Variants in NEB observed in about 807,000 individuals in gnomAD.
NEB encodes the protein nebulin.
Under a neutral mutation model 952.2 loss-of-function variants are expected in NEB, and 512 were observed. That is an observed-to-expected ratio of 0.54 (90% CI 0.50 to 0.58). NEB has a LOEUF of 0.58. Among genes scored for constraint, NEB ranks in the 20% least tolerant of loss-of-function variants. The pLI, the probability that NEB is intolerant of heterozygous loss-of-function variation, is 0.00. For synonymous variants in NEB, 2,900 were observed against 3,149.8 expected, an observed-to-expected ratio of 0.92 and a Z score of 2.66; for missense variants, 8,428 against 9,231.1, an observed-to-expected ratio of 0.91 and a Z score of 3.56.
chr2:151,734,022 G>T (rs547791393), intron 1 of NEB, among the ~76,000 whole-genome samples: 3 of 152,280 alleles, frequency 2.0e-5, no homozygotes, highest in Admixed American at 6.5e-5. Context: ...GGCTGGTTTT[G>T]TTAAGCTAGC....
intron 124 of NEB, among the ~76,000 whole-genome samples, chr2:151,555,300 C>T (rs994674456): frequency 6.6e-6 from 1 of 152,108 alleles, no homozygotes; most frequent in African/African-American, 2.4e-5. Context: ...ATTTTAGTTG[C>T]TGTTTTCAAA....
Position 151,502,874 on chromosome 2 carries a change from T to C in NEB, c.23847A>G (p.Lys7949=), listed in dbSNP as rs1401174729. ...TTGGGATTCCTTTCCCCAAATTTTC[T>C]TTGTACAAAACCTGTGAGATACAAG... The part of the protein sequence containing the change: ...NQENFSSVLY[K]ENLGKGIPTP... Residue 7949 remains lysine (K), a synonymous_variant, in exon 167 of 182, where the codon AAA becomes AAG. Coordinates refer to ENST00000397345, the MANE Select transcript of NEB (RefSeq NM_001164508.2). 1.3e-6 allele frequency: 2 copies of C among 1,598,218 alleles called. No individual in the cohort carries two copies. Among genetic ancestry groups the C allele is most frequent in the Non-Finnish European group, 1.7e-6 (2 of 1,169,570 alleles).
chr2:151,519,958 T>A, intron 153 of NEB, 190 bp from the exon 154 acceptor site: 1 of 457,896 alleles, frequency 2.2e-6, no homozygotes. Flanking sequence ...ACAACAGGCA[T>A]TCAAATATAT....
At chr2:151,491,530 C>G in intron 179 of NEB, 153 bp downstream of exon 179, 1 of 635,150 alleles carries the variant, frequency 1.6e-6, no homozygotes, top group South Asian at 2.0e-5. Flanking sequence ...GTAAGTTTTG[C>G]TCACTAGTTA....
At chr2:151,517,687 A>T (rs1406370097) in intron 156 of NEB, among the ~76,000 whole-genome samples, 7 of 152,192 alleles carry the variant, frequency 4.6e-5, no homozygotes. Context: ...TGTACAGCAT[A>T]TTATTTTACT....
Position 151,568,715 on chromosome 2 carries a change from T to C in NEB, c.17537A>G (p.Lys5846Arg). The C allele has an allele frequency of 6.3e-7, 1 of 1,583,456 alleles. No individual in the cohort carries two copies. Among genetic ancestry groups the C allele is most frequent in the Non-Finnish European group, 8.6e-7 (1 of 1,161,954 alleles). ...AKHAADIFSE[K>R]KYRTKIETLN... The stretch of plus-strand genomic sequence containing the variant: ...AGTTTCTATTTTTGTGCGATATTTT[T>C]TCTATGGGAAAGAAAGCATCTTTTA... The change falls in exon 111 of 182, where the codon AAA becomes AGA. Residue 5846 changes from lysine to arginine, a missense_variant and splice_region_variant. By Grantham distance (26) the Lys-to-Arg change is conservative. Coordinates refer to ENST00000397345, the MANE Select transcript of NEB (RefSeq NM_001164508.2).
intron 10 of NEB, among the ~76,000 whole-genome samples, chr2:151,715,499 G>A (rs1379406857): frequency 6.6e-6 from 1 of 152,176 alleles, no homozygotes; most frequent in Non-Finnish European, 1.5e-5. Flanking sequence ...AAGCAATTAA[G>A]TTTAGGTGAG....
Position 151,569,339 on chromosome 2 carries a change from C to T in NEB, c.17464G>A (p.Gly5822Arg). Residue 5822 changes from glycine (G) to arginine (R), a missense_variant, in exon 110 of 182, where the codon GGA becomes AGA. Physicochemically the swap from Gly to Arg is moderately radical, Grantham distance 125. Around this residue, in one of 11 missense-constraint regions of NEB, gnomAD observed 3,374 missense variants for 3,651.5 expected, o/e 0.92. Transcript: ENST00000397345. ...GAGTCATTTGGCATCCACCCAATTCCACGCAACCATTCCAAGTCAGCCTTG... is the reference window on the plus strand; with the variant it reads ...GAGTCATTTGGCATCCACCCAATTCTACGCAACCATTCCAAGTCAGCCTTG... The part of the protein sequence containing the change: ...VYKADLEWLR[G>R]IGWMPNDSVS... 1 of 1,613,952 alleles carries T rather than the reference C, an allele frequency of 6.2e-7. No homozygotes were observed. Among genetic ancestry groups the T allele is most frequent in the Non-Finnish European group, 8.5e-7 (1 of 1,179,842 alleles).
rs1369274190 is a variant in NEB at position 151,508,152 on chromosome 2, G to C, written c.23347-43C>G. ...GAAATAAGGAGGGTAAACACCACAGGGATATAGGCCAATGGGACCTAAAAT... is the reference window on the plus strand; with the variant it reads ...GAAATAAGGAGGGTAAACACCACAGCGATATAGGCCAATGGGACCTAAAAT... On this transcript the variant is annotated intron_variant, in intron 161 of 181. Coordinates refer to ENST00000397345, the MANE Select transcript of NEB (RefSeq NM_001164508.2). The C allele has an allele frequency of 2.9e-6, 4 of 1,379,922 alleles. No individual in the cohort carries two copies. In the South Asian group the frequency reaches 3.7e-5, roughly 13 times the overall value. The allele number at this position is 1,379,922 out of a possible 1,614,324, so 85.5% of individuals were successfully genotyped here. A position where few individuals can be genotyped will look rare whatever the true frequency, so the allele number is the denominator to read the frequency against.
At chr2:151,718,562 A>G (rs12328396) in intron 9 of NEB, among the ~76,000 whole-genome samples, 16,826 of 151,992 alleles carry the variant, frequency 0.11, 1,310 homozygotes, top group African/African-American at 0.22. Context: ...CTACACACTT[A>G]TCTTCTCCAT....
At chr2:151,670,994 G>T (rs943628799) in intron 38 of NEB, 29 bp downstream of exon 38, 12 of 1,594,158 alleles carry the variant, frequency 7.5e-6, no homozygotes, top group African/African-American at 1.3e-5. Context: ...TTATTTACGG[G>T]CAAATCATTT....
At chr2:151,684,667 C>A in intron 28 of NEB, 111 bp downstream of exon 28, 1 of 1,047,614 alleles carries the variant, frequency 9.5e-7, no homozygotes, top group Non-Finnish European at 1.3e-6. Flanking sequence ...TGCTTACATA[C>A]ATAGGACAAT....
chr2:151,514,866 G>C lies in NEB; in HGVS notation c.22968C>G (p.Val7656=), dbSNP rs1368780114. 1 of 1,588,620 alleles carries C rather than the reference G, an allele frequency of 6.3e-7. No individual in the cohort carries two copies. Among genetic ancestry groups the C allele is most frequent in the East Asian group, 2.3e-5 (1 of 44,234 alleles). The change falls in exon 158 of 182, where the codon GTC becomes GTG. Residue 7656 remains valine, a synonymous_variant. Transcript: ENST00000397345. ...ATTTGACATGTAACAAAGCTGGCGT[G>C]ACCTCCAGGCCAGTCAGGTTTCTGC... ...IKGRNLTGLE[V]TPALLHVKYA...
rs969631939 is a variant in NEB at position 151,496,976 on chromosome 2, C to T, written c.24358G>A (p.Glu8120Lys). ...TTTTCTTGATTGTGTTTGACTCTCT[C>T]CATCTCAGGAGTGACAGGTAGAGGG... ...GTPLPVTPEM[E>K]RVKHNQENIS... Residue 8120 changes from glutamate (E) to lysine (K), a missense_variant, in exon 172 of 182, where the codon GAG (glutamate) becomes AAG (lysine). Physicochemically the swap from Glu to Lys is moderately conservative, Grantham distance 56 (BLOSUM62 1). This residue lies in a region of NEB where 3,374 missense variants were observed against 3,651.5 expected (regional missense o/e 0.92). Transcript: ENST00000397345. 9 of 1,581,242 alleles carry T rather than the reference C, an allele frequency of 5.7e-6. No homozygotes were observed. Among genetic ancestry groups the T allele is most frequent in the African/African-American group, 1.3e-5 (1 of 74,342 alleles).
chr2:151,706,565 A>G (rs908922987), intron 13 of NEB, among the ~76,000 whole-genome samples: 1 of 151,836 alleles, frequency 6.6e-6, no homozygotes, highest in Non-Finnish European at 1.5e-5. Flanking sequence ...CAAAATCACA[A>G]CACGTCTGCA....
chr2:151,667,306 T>C lies in NEB; in HGVS notation c.4719+498A>G, dbSNP rs1011387790. Among the ~76,000 whole-genome samples, 6 of 151,946 alleles carry C rather than the reference T, an allele frequency of 3.9e-5. No individual in the cohort carries two copies. In the East Asian group the frequency reaches 1.2e-3, roughly 29 times the overall value. On this transcript the variant is annotated intron_variant, in intron 40 of 181. Coordinates refer to ENST00000397345, the MANE Select transcript of NEB (RefSeq NM_001164508.2). ...ATGACAAAATCCAAATAAAAAGTGG[T>C]TTTTAAGTTCATAACAATGATACTA...
intron 28 of NEB, 143 bp from the exon 29 acceptor site, chr2:151,682,912 T>C (rs1425078648): frequency 4.4e-6 from 3 of 680,728 alleles, no homozygotes; most frequent in South Asian, 2.0e-5. Context: ...TATATATTTC[T>C]TTGGTGAGAT....
rs1279495345 is a variant in NEB, at chr2:151,503,341, G to A, written c.23835+8C>T. ...AAATAGTTTCTTATATGATATATTT[G>A]TAAATACCGAGCTAAAGTTCTCTTG... On this transcript the variant is annotated splice_region_variant and intron_variant, in intron 166 of 181. Transcript: ENST00000397345. 2 of 1,578,218 alleles carry A rather than the reference G, an allele frequency of 1.3e-6. No homozygotes were observed. Among genetic ancestry groups the A allele is most frequent in the Non-Finnish European group, 1.7e-6 (2 of 1,150,844 alleles).
In NEB at chr2:151,531,901, A is replaced by T. The variant is rs769301760; in HGVS notation, c.21418-5T>A. The stretch of plus-strand genomic sequence containing the variant: ...ATAGTTTTTCCTGTATTTGATCTAA[A>T]TTGTGGAAGAGAAGAAAGAGCTCTA... On this transcript the variant is annotated splice_polypyrimidine_tract_variant and splice_region_variant and intron_variant, in intron 143 of 181. Transcript: ENST00000397345. 8 of 1,568,686 alleles carry T rather than the reference A, an allele frequency of 5.1e-6. No individual in the cohort carries two copies. The highest frequency in any genetic ancestry group is 7.0e-6 in the Non-Finnish European group (8 of 1,146,808).
Sources: gnomAD v4.1 joint callset for allele counts (sites outside exome capture counted in the v4.1 genomes callset) on GRCh38, gnomAD v4.1.1 for gene constraint, gnomAD v4.1.1 regional missense constraint, MANE v1.5 for transcripts, NCBI Gene and HGNC (gene_info 2026-07-23, HGNC 2026-07-21) for gene names.